Variants in ROBO2 observed in about 807,000 individuals in gnomAD.
The protein encoded by ROBO2 is roundabout homolog 2.
In ROBO2, 53 loss-of-function variants were observed where a neutral mutation model predicts 160.8. The observed-to-expected ratio is 0.33, with a 90% CI of 0.26 to 0.41. The LOEUF (loss-of-function observed/expected upper bound fraction) is 0.41, where lower values mean the gene tolerates loss of function less well. Among genes scored for constraint, ROBO2 ranks in the 10% least tolerant of loss-of-function variants. ROBO2 has a pLI of 1.00. For missense variants in ROBO2, 1,577 were observed against 1,722.4 expected (o/e 0.92, Z 1.49); for synonymous variants, 664 against 611.7 (o/e 1.09, Z -1.26).
intron 2 of ROBO2, among the ~76,000 whole-genome samples, chr3:77,228,768 A>T (rs1176799372): frequency 6.6e-6 from 1 of 152,208 alleles, no homozygotes; most frequent in Non-Finnish European, 1.5e-5. Flanking sequence ...ATTAAAAAGA[A>T]AATCTTAACA....
chr3:75,976,515 G>A (rs1037780251), intron 2 of ROBO2, among the ~76,000 whole-genome samples: 59 of 151,480 alleles, frequency 3.9e-4, no homozygotes, highest in African/African-American at 1.4e-3. Context: ...GACTCTCAGA[G>A]CGGAAGAGAG....
chr3:76,051,085 CTGTT>C (rs1296857485), intron 2 of ROBO2, among the ~76,000 whole-genome samples: 6 of 152,028 alleles, frequency 3.9e-5, no homozygotes, highest in South Asian at 2.1e-4. Context: ...GAATCTTACA[CTGTT>C]TGTTATATTT....
chr3:77,267,315 A>G (rs1321060631), intron 2 of ROBO2, among the ~76,000 whole-genome samples: 4 of 152,232 alleles, frequency 2.6e-5, no homozygotes, highest in African/African-American at 9.6e-5. Flanking sequence ...CTAAAACTGC[A>G]AAGTACAATA....
Position 77,152,824 on chromosome 3 carries a change from T to G in ROBO2, c.388+54484T>G, listed in dbSNP as rs368097619. Among the ~76,000 whole-genome samples the G allele has an allele frequency of 3.9e-4, 59 of 152,274 alleles. 1 individual carries two copies. Among genetic ancestry groups the G allele is most frequent in the African/African-American group, 1.3e-3 (53 of 41,574 alleles). On this transcript the variant is annotated intron_variant, in intron 2 of 25. Coordinates refer to ENST00000461745, the Ensembl canonical transcript of ROBO2. ...ACCCTTTTAACATGCAAAGCTCAAT[T>G]TTTTTAGTGTATTCACAATTGTGCA...
chr3:76,700,659 T>G (rs757274278), intron 2 of ROBO2, among the ~76,000 whole-genome samples: 14 of 152,182 alleles, frequency 9.2e-5, no homozygotes, highest in East Asian at 1.9e-4. Context: ...GAGGACGTTC[T>G]TGACTATCTT....
chr3:75,954,991 G>C (rs1179122553), intron 2 of ROBO2, among the ~76,000 whole-genome samples: 1 of 151,812 alleles, frequency 6.6e-6, no homozygotes, highest in Non-Finnish European at 1.5e-5. Flanking sequence ...AAGAAGCATA[G>C]AACAAGCGTC....
At chr3:77,050,754 C>T (rs916083968) in intron 1 of ROBO2, among the ~76,000 whole-genome samples, 4 of 150,700 alleles carry the variant, frequency 2.7e-5, no homozygotes, top group African/African-American at 7.3e-5. Flanking sequence ...TGGCTCATGC[C>T]TGTAATCTCA....
At chr3:77,142,143 A>G (rs1424975193) in intron 2 of ROBO2, among the ~76,000 whole-genome samples, 1 of 152,054 alleles carries the variant, frequency 6.6e-6, no homozygotes, top group African/African-American at 2.4e-5. Context: ...ATGAAAAGCT[A>G]TTAGAAATTT....
At chr3:77,233,705 T>G (rs1328487586) in intron 2 of ROBO2, among the ~76,000 whole-genome samples, 1 of 151,976 alleles carries the variant, frequency 6.6e-6, no homozygotes, top group Non-Finnish European at 1.5e-5. Context: ...TTATGTAAAT[T>G]TTTATATGTT....
chr3:76,973,233 C>A (rs112226368), intron 2 of ROBO2, among the ~76,000 whole-genome samples: 7 of 152,088 alleles, frequency 4.6e-5, no homozygotes, highest in African/African-American at 1.7e-4. Context: ...TAGTCTTTGC[C>A]CAGTCCTGGT....
At position 76,850,796 on chromosome 3, in the gene ROBO2, G is replaced by A. The variant is rs534483022; in HGVS notation, c.110-247218G>A. Among the ~76,000 whole-genome samples the A allele has an allele frequency of 2.8e-4, 42 of 152,206 alleles. 1 individual carries two copies. The South Asian group carries it at 7.5e-3, about 27-fold the overall frequency. ...GCAGAAATTAGGGGAAAAATCTTGAGAACTGCCCATTCAATTTTAGGATAT... is the reference window on the plus strand; with the variant it reads ...GCAGAAATTAGGGGAAAAATCTTGAAAACTGCCCATTCAATTTTAGGATAT... On this transcript the variant is annotated intron_variant, in intron 2 of 26. Coordinates refer to the ROBO2 transcript ENST00000487694.
intron 2 of ROBO2, among the ~76,000 whole-genome samples, chr3:76,103,065 C>T (rs989594548): frequency 4.6e-5 from 7 of 152,134 alleles, no homozygotes; most frequent in African/African-American, 1.7e-4. Flanking sequence ...CCTCGTGATC[C>T]GCCCGCCTCG....
chr3:76,831,643 T>G (rs1315949287), intron 2 of ROBO2, among the ~76,000 whole-genome samples: 1 of 152,206 alleles, frequency 6.6e-6, no homozygotes, highest in Non-Finnish European at 1.5e-5. Context: ...TATACATTTG[T>G]ATTATCTATT....
Position 75,960,313 on chromosome 3 carries a change from A to G in ROBO2, c.109+22711A>G, listed in dbSNP as rs150502360. On this transcript the variant is annotated intron_variant, in intron 2 of 26. Coordinates refer to the ROBO2 transcript ENST00000487694. The stretch of plus-strand genomic sequence containing the variant: ...TTTCACAATGCTCAAGTTGTTATCT[A>G]TGAGTAGTTAAGTTTAACTATAATC... Among the ~76,000 whole-genome samples the G allele has an allele frequency of 8.5e-4, 129 of 151,982 alleles. 2 individuals carry two copies. The highest frequency in any genetic ancestry group is 7.7e-3 in the South Asian group (37 of 4,826).
At chr3:76,918,752 C>T (rs1485182205) in intron 2 of ROBO2, among the ~76,000 whole-genome samples, 2 of 152,120 alleles carry the variant, frequency 1.3e-5, no homozygotes, top group African/African-American at 4.8e-5. Context: ...GAATGTCTTC[C>T]ACAATGGCTG....
chr3:77,443,406 T>C (rs1560847487), intron 2 of ROBO2, among the ~76,000 whole-genome samples: 1 of 152,062 alleles, frequency 6.6e-6, no homozygotes, highest in Non-Finnish European at 1.5e-5. Flanking sequence ...CATTTACATA[T>C]AGTGCTCAAT....
chr3:77,518,139 A>G (rs1352174002), intron 5 of ROBO2, among the ~76,000 whole-genome samples: 1 of 151,484 alleles, frequency 6.6e-6, no homozygotes, highest in Non-Finnish European at 1.5e-5. Context: ...AAGTTATCAT[A>G]TGTTATCATA....
At chr3:76,836,048 A>G (rs1024585448) in intron 2 of ROBO2, among the ~76,000 whole-genome samples, 2 of 152,046 alleles carry the variant, frequency 1.3e-5, no homozygotes, top group Non-Finnish European at 2.9e-5. Context: ...TGATGATACC[A>G]TATGAGGATT....
intron 2 of ROBO2, among the ~76,000 whole-genome samples, chr3:76,297,415 G>A (rs532912429): frequency 2.0e-4 from 30 of 152,206 alleles, no homozygotes; most frequent in African/African-American, 5.1e-4. Flanking sequence ...TGAGTAAAAC[G>A]AGAGTGAGGC....
Sources: gnomAD v4.1 joint callset for allele counts (sites outside exome capture counted in the v4.1 genomes callset) on GRCh38, gnomAD v4.1.1 for gene constraint, MANE v1.5 for transcripts, NCBI Gene and HGNC (gene_info 2026-07-23, HGNC 2026-07-21) for gene names.